The following ZPBP variants were observed in gnomAD, a reference collection of about 807,000 sequenced individuals.
ZPBP encodes zona pellucida-binding protein 1.
Under a neutral mutation model 44.8 loss-of-function variants are expected in ZPBP, and 26 were observed. The ratio of observed to expected loss-of-function variants is 0.58; its 90% CI spans 0.43 to 0.81. The LOEUF (loss-of-function observed/expected upper bound fraction) is 0.81, where lower values mean the gene tolerates loss of function less well. ZPBP is among the 30% of genes least tolerant of loss of function. The pLI is 0.00. For synonymous variants in ZPBP, 174 were observed against 153.2 expected (o/e 1.14, Z -1.00); for missense variants, 409 against 434.0 (o/e 0.94, Z 0.51).
chr7:49,953,755 A>T (rs562702879), intron 7 of ZPBP, among the ~76,000 whole-genome samples: 15 of 152,222 alleles, frequency 9.9e-5, no homozygotes, highest in African/African-American at 3.1e-4. Context: ...TCAAAACCAA[A>T]CTGGAACTAA....
the ZPBP span, among the ~76,000 whole-genome samples, chr7:49,844,375 A>G: frequency 8.5e-5 from 13 of 152,242 alleles, no homozygotes; most frequent in Non-Finnish European, 1.8e-4. Context: ...AGGTAAGCCA[A>G]GCCAGGTCTG....
chr7:49,981,433 ATAT>A (rs1796919156), intron 7 of ZPBP, among the ~76,000 whole-genome samples: 1 of 47,798 alleles, frequency 2.1e-5, no homozygotes, highest in African/African-American at 1.1e-4. Flanking sequence ...TATAAAATAT[ATAT>A]AATATATATT....
At chr7:49,916,980 C>T (rs1315572080) in intron 1 of ZPBP, 1 of 152,150 alleles carries the variant, frequency 6.6e-6, no homozygotes, top group Non-Finnish European at 1.5e-5. Context: ...GAGACACTGG[C>T]CCTTTATGAT....
At chr7:50,042,243 A>G (rs1800128865) in intron 4 of ZPBP, among the ~76,000 whole-genome samples, 1 of 152,210 alleles carries the variant, frequency 6.6e-6, no homozygotes, top group South Asian at 2.1e-4. Context: ...AAGTTGGAAA[A>G]CACTCTACAG....
At chr7:50,065,033 A>G (rs1348462672) in intron 3 of ZPBP, among the ~76,000 whole-genome samples, 5 of 152,218 alleles carry the variant, frequency 3.3e-5, no homozygotes, top group South Asian at 2.1e-4. Flanking sequence ...AAATCTTCAC[A>G]ATCCACGTTC....
At chr7:50,005,910 T>C (rs1798291213) in intron 6 of ZPBP, among the ~76,000 whole-genome samples, 1 of 150,976 alleles carries the variant, frequency 6.6e-6, no homozygotes, top group African/African-American at 2.4e-5. Flanking sequence ...ATGCTTTCTA[T>C]AAGAAATTCA....
intron 1 of ZPBP, among the ~76,000 whole-genome samples, chr7:49,903,674 A>G (rs774636909): frequency 2.6e-5 from 4 of 152,142 alleles, no homozygotes; most frequent in Admixed American, 1.3e-4. Context: ...TGTATATGCA[A>G]TCAAATAACA....
chr7:50,023,631 T>C (rs980566297), intron 5 of ZPBP, among the ~76,000 whole-genome samples: 1 of 151,978 alleles, frequency 6.6e-6, no homozygotes, highest in African/African-American at 2.4e-5. Context: ...AAAAGTCAAT[T>C]AAACACAGTT....
At chr7:49,961,868 G>A (rs1795873130) in intron 7 of ZPBP, among the ~76,000 whole-genome samples, 1 of 152,048 alleles carries the variant, frequency 6.6e-6, no homozygotes, top group Admixed American at 6.6e-5. Context: ...TGTAAAGCAT[G>A]TAACAGAATA....
intron 2 of ZPBP, among the ~76,000 whole-genome samples, chr7:49,893,454 G>T (rs915080674): frequency 3.3e-5 from 5 of 152,120 alleles, no homozygotes; most frequent in Admixed American, 6.5e-5. Context: ...GATTTTTTTC[G>T]TGCTTGTTTT....
intron 2 of ZPBP, among the ~76,000 whole-genome samples, chr7:49,875,379 A>AAAAC (rs1791363716): frequency 6.7e-6 from 1 of 148,500 alleles, no homozygotes; most frequent in Non-Finnish European, 1.5e-5. Flanking sequence ...CAAAAAAAAA[A>AAAAC]AAAAAAAAAA....
At chr7:49,901,500 A>C (rs138170123) in intron 1 of ZPBP, among the ~76,000 whole-genome samples, 4,805 of 151,940 alleles carry the variant, frequency 0.032, 119 homozygotes, top group Middle Eastern at 0.054. Context: ...AAATTAGCAA[A>C]ATATACATAA....
At chr7:50,079,903 T>C (rs959042967) in intron 3 of ZPBP, among the ~76,000 whole-genome samples, 12 of 151,630 alleles carry the variant, frequency 7.9e-5, no homozygotes, top group Admixed American at 2.6e-4. Flanking sequence ...ACAGAACTTG[T>C]TGCAATAAAT....
chr7:49,970,860 A>T (rs201039642), intron 7 of ZPBP, among the ~76,000 whole-genome samples: 1 of 75,782 alleles, frequency 1.3e-5, no homozygotes, highest in Non-Finnish European at 2.8e-5. Flanking sequence ...ACAAAATAAT[A>T]AATAAATAAA....
chr7:49,883,888 G>GTAAA (rs1486075634), intron 2 of ZPBP, among the ~76,000 whole-genome samples: 18 of 152,344 alleles, frequency 1.2e-4, no homozygotes, highest in African/African-American at 3.4e-4. Flanking sequence ...CAACAAAGAT[G>GTAAA]TAAAAGTCAT....
chr7:49,888,097 C>A (rs1281851548), intron 2 of ZPBP, among the ~76,000 whole-genome samples: 2 of 152,190 alleles, frequency 1.3e-5, no homozygotes. Flanking sequence ...CTCTTCTCAG[C>A]CTCTTCAGTG....
chr7:49,913,787 A>C (rs2128744137), intron 1 of ZPBP: 1 of 152,334 alleles, frequency 6.6e-6, no homozygotes, highest in East Asian at 1.9e-4. Flanking sequence ...AAAATAATTC[A>C]ATCATTAAAG....
At chr7:50,028,437 A>G (rs919249524) in intron 5 of ZPBP, among the ~76,000 whole-genome samples, 4 of 152,072 alleles carry the variant, frequency 2.6e-5, no homozygotes, top group African/African-American at 4.8e-5. Context: ...TAAGATGCCA[A>G]TTGTGCCACT....
chr7:50,035,797 T>C (rs1280476402), intron 4 of ZPBP, among the ~76,000 whole-genome samples: 2 of 152,102 alleles, frequency 1.3e-5, no homozygotes, highest in Non-Finnish European at 2.9e-5. Flanking sequence ...TATTAAAATT[T>C]AAGAAAATGT....
Sources: allele counts gnomAD v4.1 joint callset (sites outside exome capture counted in the v4.1 genomes callset), GRCh38; gene constraint gnomAD v4.1.1; transcripts MANE v1.5; gene names NCBI Gene and HGNC (gene_info 2026-07-23, HGNC 2026-07-21).